The following ARAP2 variants were observed in gnomAD, a reference collection of about 807,000 sequenced individuals.
ARAP2 encodes the protein ArfGAP with RhoGAP domain, ankyrin repeat and PH domain 2, also known as arf-GAP with Rho-GAP domain, ANK repeat and PH domain-containing protein 2.
ARAP2 carries 148 observed loss-of-function variants against 194.5 expected under a neutral mutation model. The observed-to-expected ratio is 0.76, with a 90% CI of 0.67 to 0.87. The LOEUF is 0.87. Ranked by LOEUF, ARAP2 falls within the 40% of genes least tolerant of loss-of-function variation. The pLI, the probability that ARAP2 is intolerant of heterozygous loss-of-function variation, is 0.00. For synonymous variants in ARAP2, 695 were observed against 683.5 expected, an observed-to-expected ratio of 1.02 and a Z score of -0.26; for missense variants, 2,128 against 1,989.7, an observed-to-expected ratio of 1.07 and a Z score of -1.32.
rs869236110 is a variant in ARAP2, at chr4:36,014,297, G to GAAAGAAAGA, written n.1056+1088_1056+1089insTCTTTCTTT. On this transcript the variant is annotated intron_variant and non_coding_transcript_variant, in intron 8 of 12. Coordinates refer to the ARAP2 transcript ENST00000503225. Reference sequence around the variant, plus strand: ...AGAAAGAAAGAAAGAAAGAAAGAAAGAAGAGAAGGAAGGAAAGAAAGAAAG... The same window carrying GAAAGAAAGA: ...AGAAAGAAAGAAAGAAAGAAAGAAAGAAAGAAAGAAAGAGAAGGAAGGAAAGAAAGAAAG... 4.6e-5 allele frequency among the ~76,000 whole-genome samples: 6 copies of GAAAGAAAGA among 130,020 alleles called. No individual in the cohort carries two copies. In the East Asian group the frequency reaches 6.7e-4, roughly 15 times the overall value. 85.3% of individuals were successfully genotyped at this position (130,020 alleles called of 152,430 possible).
intron 1 of ARAP2, chr4:36,243,747 G>C (rs115563147): frequency 6.6e-6 from 1 of 152,320 alleles, no homozygotes; most frequent in South Asian, 2.1e-4. Context: ...CCAAATGATC[G>C]TAATTAAAGT....
chr4:36,030,021 C>T (rs1389686498), intron 5 of ARAP2, among the ~76,000 whole-genome samples: 1 of 151,972 alleles, frequency 6.6e-6, no homozygotes, highest in Non-Finnish European at 1.5e-5. Flanking sequence ...CAATTGTAAT[C>T]TTAATTTTTT....
At chr4:36,139,605 A>T (rs1727735063) in intron 19 of ARAP2, among the ~76,000 whole-genome samples, 1 of 151,590 alleles carries the variant, frequency 6.6e-6, no homozygotes, top group Non-Finnish European at 1.5e-5. Flanking sequence ...TTTTTAAGGT[A>T]AAAGTTTAGA....
chr4:36,090,570 G>A (rs1713318040), intron 28 of ARAP2, among the ~76,000 whole-genome samples: 1 of 152,062 alleles, frequency 6.6e-6, no homozygotes. Flanking sequence ...TCATGGAACA[G>A]TATGCATCCA....
Position 36,228,831 on chromosome 4 carries a change from A to C in ARAP2, c.656T>G (p.Phe219Cys), listed in dbSNP as rs746675222. Residue 219 changes from phenylalanine to cysteine, a missense_variant, in exon 2 of 33, where the codon TTT becomes TGT. Coordinates refer to ENST00000303965, the MANE Select transcript of ARAP2 (RefSeq NM_015230.4). ...TGTTCCTGATGTTGAACAGCCAACA[A>C]AAGAAAGGCATTCAGAGTCTGCATT... ...LPNADSECLS[F>C]VGCSTSGTNS... The C allele has an allele frequency of 6.2e-7, 1 of 1,614,210 alleles. No individual in the cohort carries two copies. Among genetic ancestry groups the C allele is most frequent in the Admixed American group, 1.7e-5 (1 of 60,018 alleles).
chr4:36,072,127 T>G (rs1727132498), intron 32 of ARAP2, among the ~76,000 whole-genome samples: 1 of 152,120 alleles, frequency 6.6e-6, no homozygotes, highest in South Asian at 2.1e-4. Flanking sequence ...ATTTCTATTA[T>G]TGCCTTATAA....
intron 17 of ARAP2, among the ~76,000 whole-genome samples, chr4:36,148,007 T>A (rs979567864): frequency 6.6e-6 from 1 of 152,160 alleles, no homozygotes; most frequent in Admixed American, 6.6e-5. Context: ...CTTAACTGAT[T>A]TGTGGAACTT....
intron 1 of ARAP2, among the ~76,000 whole-genome samples, chr4:36,059,156 T>C (rs995530862): frequency 2.0e-5 from 3 of 152,168 alleles, no homozygotes; most frequent in African/African-American, 7.2e-5. Flanking sequence ...TGTATTTATA[T>C]TTAAATATAT....
chr4:36,108,141 T>G (rs1718914231), intron 26 of ARAP2, among the ~76,000 whole-genome samples: 1 of 151,836 alleles, frequency 6.6e-6, no homozygotes, highest in South Asian at 2.1e-4. Context: ...CAGGCTACCC[T>G]CCCACCACTG....
In ARAP2 at chr4:36,210,649, C is replaced by G. The variant is rs1170939112; in HGVS notation, c.1228G>C (p.Ala410Pro). 6.2e-6 allele frequency: 10 copies of G among 1,613,690 alleles called. No individual in the cohort carries two copies. The East Asian group carries it at 1.1e-4, about 18-fold the overall frequency. Residue 410 changes from alanine (A) to proline (P), a missense_variant, in exon 6 of 33, where the codon GCT becomes CCT. By Grantham distance (27) the Ala-to-Pro change is conservative. Coordinates refer to ENST00000303965, the MANE Select transcript of ARAP2 (RefSeq NM_015230.4). ...ACTGTTGAGTATTCTGATTCAGAAG[C>G]AGTGTCTATCAAAAAATTGTTTTTG... Reference protein sequence around the residue: ...EDKNNFLIDTASESEYSTVEE... With the variant: ...EDKNNFLIDTPSESEYSTVEE...
intron 5 of ARAP2, among the ~76,000 whole-genome samples, chr4:36,026,970 T>C (rs1315619953): frequency 6.6e-6 from 1 of 152,234 alleles, no homozygotes; most frequent in Non-Finnish European, 1.5e-5. Context: ...GGTCAGATCA[T>C]GTCATAATTG....
rs546519325 is a variant in ARAP2, at chr4:36,046,334, A to G, written n.510-258T>C. Among the ~76,000 whole-genome samples the G allele has an allele frequency of 4.6e-5, 7 of 152,168 alleles. 1 individual carries two copies. The highest frequency in any genetic ancestry group is 1.2e-4 in the African/African-American group (5 of 41,532). On this transcript the variant is annotated intron_variant and non_coding_transcript_variant, in intron 4 of 12. Transcript: ENST00000503225. The stretch of plus-strand genomic sequence containing the variant: ...TCTGGGACTACAGGCTCATGCCACA[A>G]TGGCTGGCTAATTTTGTTATTTATT...
intron 28 of ARAP2, among the ~76,000 whole-genome samples, chr4:36,085,238 T>TG (rs554287270): frequency 4.1e-4 from 63 of 152,242 alleles, no homozygotes; most frequent in African/African-American, 1.5e-3. Flanking sequence ...ACTGGTCTTT[T>TG]GGGGGTTGGT....
intron 1 of ARAP2, among the ~76,000 whole-genome samples, chr4:36,058,553 A>G (rs915049483): frequency 2.0e-5 from 3 of 152,132 alleles, no homozygotes; most frequent in Non-Finnish European, 4.4e-5. Flanking sequence ...GGCCACCCCT[A>G]TTCCTCATTC....
intron 5 of ARAP2, among the ~76,000 whole-genome samples, chr4:36,021,317 T>A (rs1343248883): frequency 6.6e-6 from 1 of 152,194 alleles, no homozygotes; most frequent in Non-Finnish European, 1.5e-5. Flanking sequence ...GGATATAATA[T>A]GATTTGGATC....
chr4:36,074,213 T>C (rs1727706279), intron 31 of ARAP2, among the ~76,000 whole-genome samples: 1 of 152,118 alleles, frequency 6.6e-6, no homozygotes, highest in African/African-American at 2.4e-5. Flanking sequence ...GTAAAAATAA[T>C]TTCATCTTAT....
chr4:36,102,096 G>A (rs1190340083), intron 27 of ARAP2, among the ~76,000 whole-genome samples: 3 of 151,882 alleles, frequency 2.0e-5, no homozygotes, highest in African/African-American at 7.3e-5. Flanking sequence ...CACTAAAATT[G>A]CATGACTTAG....
chr4:36,035,709 G>T lies in ARAP2; in HGVS notation n.607+10270C>A, dbSNP rs73123409. 5.3e-3 allele frequency among the ~76,000 whole-genome samples: 801 copies of T among 151,972 alleles called. 8 individuals are homozygous for T. The highest frequency in any genetic ancestry group is 0.018 in the African/African-American group (762 of 41,488). On this transcript the variant is annotated intron_variant and non_coding_transcript_variant, in intron 5 of 12. Transcript: ENST00000503225. ...TCATCAATACATTTTTTAAATTTTT[G>T]TTTAAGAAATATTTTATTCACTTCA...
At chr4:36,189,435 C>T (rs1391078159) in intron 7 of ARAP2, among the ~76,000 whole-genome samples, 1 of 152,106 alleles carries the variant, frequency 6.6e-6, no homozygotes, top group African/African-American at 2.4e-5. Context: ...CTCCTTCTGG[C>T]TATTTGAAAC....
Sources: allele counts gnomAD v4.1 joint callset (sites outside exome capture counted in the v4.1 genomes callset), GRCh38; gene constraint gnomAD v4.1.1; transcripts MANE v1.5; gene names NCBI Gene and HGNC (gene_info 2026-07-23, HGNC 2026-07-21).